Variants in RAPGEF2 observed in about 807,000 individuals in gnomAD.
RAPGEF2 encodes PDZ domain containing guanine nucleotide exchange factor (GEF) 1.
RAPGEF2 carries 54 observed loss-of-function variants against 186.7 expected under a neutral mutation model. That is an observed-to-expected ratio of 0.29 (90% CI 0.23 to 0.36). RAPGEF2 has a LOEUF of 0.36. Ranked by LOEUF, RAPGEF2 falls within the 10% of genes least tolerant of loss-of-function variation. RAPGEF2 has a pLI of 1.00. For missense variants in RAPGEF2, 1,532 were observed against 2,045.0 expected (o/e 0.75, Z 4.84); for synonymous variants, 712 against 705.9 (o/e 1.01, Z -0.14).
intron 7 of RAPGEF2, among the ~76,000 whole-genome samples, chr4:159,278,906 G>A (rs1759291432): frequency 1.3e-5 from 2 of 152,272 alleles, no homozygotes; most frequent in South Asian, 4.1e-4. Flanking sequence ...TATCCAGGAG[G>A]TAAGGAAAAT....
rs746927565 is a variant in RAPGEF2 at position 159,322,351 on chromosome 4, A to G, written c.858A>G (p.Gln286=). ...AGTATGTCTTTTGCTTTTCAGAACAACTCTTGGAATTTATGCACCAGTTGC... is the reference window on the plus strand; with the variant it reads ...AGTATGTCTTTTGCTTTTCAGAACAGCTCTTGGAATTTATGCACCAGTTGC... The part of the protein sequence containing the change: ...PIDRTDDDIE[Q]LLEFMHQLPA... Residue 286 remains glutamine (Q), a synonymous_variant, in exon 10 of 30, where the codon CAA becomes CAG. Transcript: ENST00000691494. 3 of 1,613,516 alleles carry G rather than the reference A, an allele frequency of 1.9e-6. No individual in the cohort carries two copies. Among genetic ancestry groups the G allele is most frequent in the Non-Finnish European group, 2.5e-6 (3 of 1,179,606 alleles).
rs1236451044 is a variant in RAPGEF2 at position 159,338,221 on chromosome 4, G to A, written c.2136-90G>A. ...TTACATGAGCTGCAAAAAAAAAATG[G>A]AATATGGTTTTTGGTCTGTGTTTAT... On this transcript the variant is annotated intron_variant, in intron 17 of 29. Coordinates refer to ENST00000691494, the MANE Select transcript of RAPGEF2 (RefSeq NM_001394067.2). The A allele has an allele frequency of 3.4e-6, 4 of 1,186,960 alleles. No homozygotes were observed. The African/African-American group carries it at 4.6e-5, about 14-fold the overall frequency. The allele number at this position is 1,186,960 out of a possible 1,614,324, so 73.5% of individuals were successfully genotyped here.
At chr4:159,254,748 A>ACAGGCGTGTGCCACCACGCC (rs1755933135) in intron 7 of RAPGEF2, among the ~76,000 whole-genome samples, 1 of 152,134 alleles carries the variant, frequency 6.6e-6, no homozygotes, top group East Asian at 1.9e-4. Flanking sequence ...AGCTGGAACT[A>ACAGGCGTGTGCCACCACGCC]CAGGCGTGTG....
chr4:159,222,615 C>CA (rs1361089522), intron 4 of RAPGEF2, among the ~76,000 whole-genome samples: 1 of 152,114 alleles, frequency 6.6e-6, no homozygotes, highest in Non-Finnish European at 1.5e-5. Context: ...CTAAGGAACT[C>CA]ATAACTCTTG....
intron 8 of RAPGEF2, among the ~76,000 whole-genome samples, chr4:159,314,029 C>A (rs1764253043): frequency 6.6e-6 from 1 of 152,152 alleles, no homozygotes; most frequent in South Asian, 2.1e-4. Flanking sequence ...TGCCTTTACG[C>A]GTATGGTCTC....
intron 1 of RAPGEF2, among the ~76,000 whole-genome samples, chr4:159,134,266 C>G (rs1318035070): frequency 1.3e-5 from 2 of 152,190 alleles, no homozygotes; most frequent in Non-Finnish European, 2.9e-5. Context: ...ACTTTTTTCA[C>G]TAAGCACAAG....
At chr4:159,147,925 T>C (rs78632953) in intron 1 of RAPGEF2, among the ~76,000 whole-genome samples, 9,836 of 152,302 alleles carry the variant, frequency 0.065, 451 homozygotes, top group South Asian at 0.11. Context: ...CACATGTGCC[T>C]AATAAATGGC....
intron 4 of RAPGEF2, among the ~76,000 whole-genome samples, chr4:159,221,708 C>T (rs72699342): frequency 0.098 from 14,989 of 152,230 alleles, 799 homozygotes; most frequent in Admixed American, 0.16. Context: ...TTGGCTTAGC[C>T]ACGCTCCTTT....
At chr4:159,344,157 C>T (rs1295023866) in intron 23 of RAPGEF2, 98 bp downstream of exon 23, 2 of 1,342,342 alleles carry the variant, frequency 1.5e-6, no homozygotes, top group Admixed American at 3.4e-5. Context: ...TGCATTTTTG[C>T]ATTTTTTTCC....
chr4:159,207,992 T>C (rs573577114), intron 3 of RAPGEF2, among the ~76,000 whole-genome samples: 71 of 152,382 alleles, frequency 4.7e-4, no homozygotes, highest in Non-Finnish European at 8.4e-4. Context: ...AATTACTCTT[T>C]GAAGTACTTT....
At chr4:159,289,484 T>A (rs1440614066) in intron 7 of RAPGEF2, among the ~76,000 whole-genome samples, 1 of 152,206 alleles carries the variant, frequency 6.6e-6, no homozygotes, top group Non-Finnish European at 1.5e-5. Context: ...AGGGGGTGAC[T>A]ATAGAGCTGG....
intron 7 of RAPGEF2, among the ~76,000 whole-genome samples, chr4:159,247,967 C>T (rs1244081190): frequency 1.3e-5 from 2 of 151,714 alleles, no homozygotes; most frequent in African/African-American, 2.4e-5. Flanking sequence ...TCTCCATATC[C>T]GTCAGGCTGG....
intron 3 of RAPGEF2, among the ~76,000 whole-genome samples, chr4:159,205,160 T>G (rs910110390): frequency 6.6e-6 from 1 of 152,226 alleles, no homozygotes; most frequent in African/African-American, 2.4e-5. Flanking sequence ...TGAAAGTTTT[T>G]CAGAGTTGGC....
intron 3 of RAPGEF2, among the ~76,000 whole-genome samples, chr4:159,207,706 A>G (rs1279945902): frequency 1.3e-5 from 2 of 152,238 alleles, no homozygotes; most frequent in South Asian, 2.1e-4. Context: ...TCCTTGGGCT[A>G]ACGTTTTTTG....
chr4:159,148,056 T>C (rs1743131969), intron 1 of RAPGEF2, among the ~76,000 whole-genome samples: 1 of 152,212 alleles, frequency 6.6e-6, no homozygotes, highest in Non-Finnish European at 1.5e-5. Context: ...TATGAACTTT[T>C]TTAAAGCTAA....
At chr4:159,108,323 G>T (rs962834472) in intron 1 of RAPGEF2, among the ~76,000 whole-genome samples, 2 of 150,852 alleles carry the variant, frequency 1.3e-5, no homozygotes, top group Non-Finnish European at 2.9e-5. Flanking sequence ...AGTGCTTTAT[G>T]CAGATACTCG....
At chr4:159,202,085 A>G (rs1011028236) in intron 3 of RAPGEF2, among the ~76,000 whole-genome samples, 69 of 152,322 alleles carry the variant, frequency 4.5e-4, no homozygotes, top group African/African-American at 1.6e-3. Flanking sequence ...AACCTGTCTC[A>G]GATAGCTGTG....
chr4:159,356,147 C>G lies in RAPGEF2; in HGVS notation c.4946C>G (p.Thr1649Ser). 1 of 1,613,730 alleles carries G rather than the reference C, an allele frequency of 6.2e-7. No homozygotes were observed. Among genetic ancestry groups the G allele is most frequent in the Non-Finnish European group, 8.5e-7 (1 of 1,179,664 alleles). ...CCCTATCAGTCCCAAGGGTTTTCCA[C>G]CGAGGAGGATGGTATATGCACATAA... ...LAPYQSQGFS[T>S]EEDEDEQVSA... The change falls in exon 29 of 30, where the codon ACC becomes AGC. Residue 1649 changes from threonine (T) to serine (S), a missense_variant. Coordinates refer to ENST00000691494, the MANE Select transcript of RAPGEF2 (RefSeq NM_001394067.2).
intron 23 of RAPGEF2, among the ~76,000 whole-genome samples, chr4:159,344,691 A>T (rs963303424): frequency 2.6e-5 from 4 of 152,340 alleles, no homozygotes; most frequent in African/African-American, 9.6e-5. Context: ...AATTTTGAAC[A>T]TTGTAGCTAA....
Sources: allele counts gnomAD v4.1 joint callset (sites outside exome capture counted in the v4.1 genomes callset), GRCh38; gene constraint gnomAD v4.1.1; transcripts MANE v1.5; gene names NCBI Gene and HGNC (gene_info 2026-07-23, HGNC 2026-07-21).